The following SPON1 variants were observed in gnomAD, a reference collection of about 807,000 sequenced individuals.
SPON1 encodes the protein spondin 1.
SPON1 carries 52 observed loss-of-function variants against 111.7 expected under a neutral mutation model. The observed-to-expected ratio is 0.47, with a 90% confidence interval of 0.37 to 0.59. SPON1 has a LOEUF of 0.59. Ranked by LOEUF, SPON1 falls within the 20% of genes least tolerant of loss-of-function variation. SPON1 has a pLI of 0.00. For synonymous variants in SPON1, 410 were observed against 395.8 expected, an observed-to-expected ratio of 1.04 and a Z score of -0.43; for missense variants, 957 against 1,068.5, an observed-to-expected ratio of 0.90 and a Z score of 1.46.
At chr11:14,115,876 A>C (rs1554925927) in intron 5 of SPON1, among the ~76,000 whole-genome samples, 1 of 152,146 alleles carries the variant, frequency 6.6e-6, no homozygotes, top group African/African-American at 2.4e-5. Context: ...AAAGAGATCT[A>C]ATTAATCTAC....
At chr11:14,082,102 C>T (rs966533056) in intron 5 of SPON1, among the ~76,000 whole-genome samples, 4 of 152,038 alleles carry the variant, frequency 2.6e-5, no homozygotes, top group South Asian at 4.2e-4. Flanking sequence ...GTTAGGGGCC[C>T]GTTACTCATC....
intron 3 of SPON1, among the ~76,000 whole-genome samples, chr11:14,064,345 AG>A (rs1554920169): frequency 1.3e-5 from 2 of 152,250 alleles, no homozygotes; most frequent in East Asian, 3.8e-4. Flanking sequence ...AGTCTGGTGG[AG>A]GGACAGGTCA....
intron 6 of SPON1, among the ~76,000 whole-genome samples, chr11:14,165,546 C>A (rs895697538): frequency 6.6e-6 from 1 of 152,168 alleles, no homozygotes; most frequent in African/African-American, 2.4e-5. Context: ...GACCAGCCTA[C>A]TATAAGGTAA....
chr11:14,233,690 G>A (rs76092241), intron 6 of SPON1, among the ~76,000 whole-genome samples: 1,691 of 152,102 alleles, frequency 0.011, 62 homozygotes, highest in East Asian at 0.1. Context: ...TTCTGGGACG[G>A]GACCTGCCCT....
intron 5 of SPON1, among the ~76,000 whole-genome samples, chr11:14,113,015 T>G (rs1554925595): frequency 6.6e-6 from 1 of 152,186 alleles, no homozygotes; most frequent in East Asian, 1.9e-4. Context: ...CCTGGTCTGG[T>G]CTTGATTCTG....
intron 7 of SPON1, among the ~76,000 whole-genome samples, chr11:14,247,150 G>A (rs781985867): frequency 2.0e-5 from 3 of 152,214 alleles, no homozygotes; most frequent in South Asian, 4.1e-4. Flanking sequence ...GCTCACACCT[G>A]TAATCTTAAC....
At chr11:14,104,293 C>T (rs1464257240) in intron 5 of SPON1, among the ~76,000 whole-genome samples, 1 of 151,346 alleles carries the variant, frequency 6.6e-6, no homozygotes, top group Admixed American at 6.6e-5. Context: ...GGTTTATGTT[C>T]TTCCATTTTA....
chr11:13,979,209 G>A (rs1041129422), intron 1 of SPON1, among the ~76,000 whole-genome samples: 9 of 152,158 alleles, frequency 5.9e-5, no homozygotes, highest in East Asian at 1.9e-4. Context: ...AGCTTTCTGC[G>A]GCTTGTAAAT....
At chr11:13,994,268 A>T (rs1314371953) in intron 2 of SPON1, among the ~76,000 whole-genome samples, 1 of 152,240 alleles carries the variant, frequency 6.6e-6, no homozygotes, top group Admixed American at 6.5e-5. Context: ...TAGGATTTTT[A>T]AAACTGCCAT....
intron 5 of SPON1, among the ~76,000 whole-genome samples, chr11:14,122,340 CTT>C (rs1431595415): frequency 6.6e-6 from 1 of 151,938 alleles, no homozygotes; most frequent in Non-Finnish European, 1.5e-5. Flanking sequence ...GGCCTGGCTA[CTT>C]TTTTGTATTT....
intron 5 of SPON1, among the ~76,000 whole-genome samples, chr11:14,121,661 C>T (rs1416242880): frequency 6.6e-6 from 1 of 152,088 alleles, no homozygotes; most frequent in Non-Finnish European, 1.5e-5. Context: ...ATTAAAGGTG[C>T]ACCTTACCCA....
rs139729324 is a variant in SPON1, at chr11:14,076,950, C to T, written c.553+1532C>T. ...TCAACTGCCTGCAAGTTCACTCAGC[C>T]TTTCTCTACACAGGGAGCATCTCCA... On this transcript the variant is annotated intron_variant, in intron 4 of 15. Coordinates refer to ENST00000576479, the MANE Select transcript of SPON1 (RefSeq NM_006108.4). 1.7e-3 allele frequency among the ~76,000 whole-genome samples: 254 copies of T among 152,294 alleles called. 4 individuals are homozygous for T. The highest frequency in any genetic ancestry group is 5.6e-3 in the African/African-American group (233 of 41,558).
intron 5 of SPON1, among the ~76,000 whole-genome samples, chr11:14,118,180 G>A (rs1358378660): frequency 5.9e-5 from 9 of 152,132 alleles, no homozygotes; most frequent in African/African-American, 2.2e-4. Context: ...TTAAATACAA[G>A]CTCCTAGATT....
intron 5 of SPON1, among the ~76,000 whole-genome samples, chr11:14,111,353 T>G (rs1353061476): frequency 6.6e-6 from 1 of 152,196 alleles, no homozygotes; most frequent in Non-Finnish European, 1.5e-5. Flanking sequence ...AGAAAGGCAT[T>G]AGAGTTGGTT....
At position 14,264,044 on chromosome 11, in the gene SPON1, A is replaced by G. The variant is rs570305266; in HGVS notation, c.2260+1069A>G. Among the ~76,000 whole-genome samples, 7 of 152,026 alleles carry G rather than the reference A, an allele frequency of 4.6e-5. No homozygotes were observed. The East Asian group carries it at 7.7e-4, about 17-fold the overall frequency. ...AACTCCGTCTCAAATTAAAAAAAAAAAAAAAGAAAAGTACATTCCAGGCAG... is the reference window on the plus strand; with the variant it reads ...AACTCCGTCTCAAATTAAAAAAAAAGAAAAAGAAAAGTACATTCCAGGCAG... On this transcript the variant is annotated intron_variant, in intron 15 of 15. Coordinates refer to ENST00000576479, the MANE Select transcript of SPON1 (RefSeq NM_006108.4).
intron 6 of SPON1, among the ~76,000 whole-genome samples, chr11:14,206,872 T>G (rs1256621421): frequency 6.6e-6 from 1 of 151,720 alleles, no homozygotes; most frequent in Non-Finnish European, 1.5e-5. Context: ...TTCACAGAAC[T>G]AGAAAAAAAC....
chr11:14,160,844 TA>T (rs1847928920), intron 6 of SPON1, among the ~76,000 whole-genome samples: 1 of 51,632 alleles, frequency 1.9e-5, no homozygotes, highest in Non-Finnish European at 3.3e-5. Context: ...TTTATATATT[TA>T]TATATTTATA....
chr11:14,066,757 C>T (rs1250303588), intron 3 of SPON1, among the ~76,000 whole-genome samples: 1 of 152,184 alleles, frequency 6.6e-6, no homozygotes, highest in Non-Finnish European at 1.5e-5. Flanking sequence ...GAAGGCCTGA[C>T]CCAGCACAGG....
Position 14,259,188 on chromosome 11 carries a change from T to C in SPON1, c.1493-92T>C. The C allele has an allele frequency of 7.1e-7, 1 of 1,413,792 alleles. No individual in the cohort carries two copies. The highest frequency in any genetic ancestry group is 9.4e-7 in the Non-Finnish European group (1 of 1,059,674). The allele number at this position is 1,413,792 out of a possible 1,614,324, so 87.6% of individuals were successfully genotyped here. A position where few individuals can be genotyped will look rare whatever the true frequency, so the allele number is the denominator to read the frequency against. On this transcript the variant is annotated intron_variant, in intron 11 of 15. Coordinates refer to ENST00000576479, the MANE Select transcript of SPON1 (RefSeq NM_006108.4). The surrounding 1 kb of genome is among the most constrained non-coding windows in gnomAD (Gnocchi z 5.0). The stretch of plus-strand genomic sequence containing the variant: ...GACAACCTCAACTGCCTGACTCCTC[T>C]TGATTCCCGCTGGCGGGAAGTTCCC...
Sources: allele counts gnomAD v4.1 joint callset (sites outside exome capture counted in the v4.1 genomes callset), GRCh38; gene constraint gnomAD v4.1.1; non-coding constraint Gnocchi (gnomAD v3.1); transcripts MANE v1.5; gene names NCBI Gene and HGNC (gene_info 2026-07-23, HGNC 2026-07-21).